HYKK: variants seen among roughly 807,000 people sequenced by gnomAD.
HYKK encodes the protein hydroxylysine kinase.
In HYKK, 19 loss-of-function variants were observed where a neutral mutation model predicts 29.7. The observed-to-expected ratio is 0.64, with a 90% CI of 0.45 to 0.94. The LOEUF is 0.94. Ranked by LOEUF, HYKK falls within the 40% of genes least tolerant of loss-of-function variation. HYKK has a pLI of 0.00. For missense variants in HYKK, 390 were observed against 443.4 expected (o/e 0.88, Z 1.08); for synonymous variants, 152 against 158.1 (o/e 0.96, Z 0.29).
intron 4 of HYKK, chr15:78,528,393 G>T (rs912523287): frequency 1.0e-6 from 1 of 984,338 alleles, no homozygotes; most frequent in African/African-American, 1.7e-5. Context: ...TGCCAAAAAG[G>T]TTGGGAACTA....
intron 3 of HYKK, 74 bp downstream of exon 3, chr15:78,515,181 G>A (rs1002080059): frequency 8.5e-7 from 1 of 1,170,224 alleles, no homozygotes; most frequent in Non-Finnish European, 1.2e-6. Flanking sequence ...ATAAAGTATG[G>A]ATCAGATTCT....
chr15:78,527,638 G>A, intron 4 of HYKK, 75 bp downstream of exon 4: 2 of 1,554,076 alleles, frequency 1.3e-6, no homozygotes, highest in Admixed American at 1.9e-5. Context: ...AAAGTATGGA[G>A]GTACAATTTA....
At chr15:78,509,928 T>G (rs890124908) in intron 1 of HYKK, among the ~76,000 whole-genome samples, 12 of 152,112 alleles carry the variant, frequency 7.9e-5, no homozygotes, top group African/African-American at 2.7e-4. Context: ...CAGTAACAGG[T>G]GATGGAAACC....
At chr15:78,537,319 C>G (rs1390809916), downstream of HYKK, 2 of 661,834 alleles carry the variant, frequency 3.0e-6, no homozygotes. Context: ...CCGTGCCAGG[C>G]CCCTAGAAGA....
Position 78,513,416 on chromosome 15 carries a change from G to T in HYKK, c.328G>T (p.Val110Leu). Residue 110 changes from valine to leucine, a missense_variant, in exon 2 of 5, where the codon GTG becomes TTG. Coordinates refer to ENST00000388988, the MANE Select transcript of HYKK (RefSeq NM_001013619.4). ...HTKGDNTASL[V>L]SVDSGSEIKS... ...TAAAGGAGACAACACAGCTTCTCTCGTGTCTGTAGGTAAGAGATGACCAAT... is the reference window on the plus strand; with the variant it reads ...TAAAGGAGACAACACAGCTTCTCTCTTGTCTGTAGGTAAGAGATGACCAAT... The T allele has an allele frequency of 6.2e-7, 1 of 1,610,818 alleles. No individual in the cohort carries two copies.
chr15:78,519,910 G>T (rs984171082), intron 3 of HYKK, among the ~76,000 whole-genome samples: 1 of 152,034 alleles, frequency 6.6e-6, no homozygotes, highest in East Asian at 1.9e-4. Flanking sequence ...CTTTCCTTCC[G>T]CCCTATCTGT....
At chr15:78,513,550 A>G (rs1221827951) in intron 2 of HYKK, 125 bp downstream of exon 2, 19 of 702,752 alleles carry the variant, frequency 2.7e-5, no homozygotes, top group Non-Finnish European at 4.5e-5. Context: ...ATTATTTTTT[A>G]GCACCTCAAT....
At chr15:78,525,645 C>G (rs532174249) in intron 3 of HYKK, among the ~76,000 whole-genome samples, 1 of 151,986 alleles carries the variant, frequency 6.6e-6, no homozygotes, top group African/African-American at 2.4e-5. Flanking sequence ...CTACAGGCAC[C>G]CACCACCATG....
At chr15:78,537,022 G>T (rs909962743), downstream of HYKK, among the ~76,000 whole-genome samples, 1 of 152,126 alleles carries the variant, frequency 6.6e-6, no homozygotes, top group African/African-American at 2.4e-5. Flanking sequence ...TTAACCAGCG[G>T]CCCCTCAGGT....
At chr15:78,521,029 A>G (rs2052190780) in intron 3 of HYKK, among the ~76,000 whole-genome samples, 1 of 152,196 alleles carries the variant, frequency 6.6e-6, no homozygotes, top group Non-Finnish European at 1.5e-5. Context: ...TTTTTCTATA[A>G]GTACTAAGAA....
intron 4 of HYKK, chr15:78,528,000 C>T (rs1428579133): frequency 6.4e-6 from 1 of 156,300 alleles, no homozygotes; most frequent in South Asian, 1.9e-4. Flanking sequence ...ATGAATATAC[C>T]ATAATTTATT....
intron 3 of HYKK, among the ~76,000 whole-genome samples, chr15:78,520,527 G>A (rs373530216): frequency 9.9e-5 from 15 of 152,038 alleles, no homozygotes; most frequent in Admixed American, 4.6e-4. Context: ...TGGACACAGC[G>A]CATGTTTCAG....
chr15:78,508,346 A>G (rs1412015466), intron 1 of HYKK, among the ~76,000 whole-genome samples: 2 of 152,174 alleles, frequency 1.3e-5, no homozygotes, highest in Non-Finnish European at 2.9e-5. Context: ...GGACGCAGCA[A>G]AAGGGAATGT....
rs766004199 is a variant in HYKK at position 78,514,908 on chromosome 15, C to CTCTCTCTATATATATATATATATA, written c.338-59_338-58insCTCTCTATATATATATATATATAT. ...TAAATACCTCTCTCTCTCTCTCTCTCTATATATATATATATATATAAATAA... is the reference window on the plus strand; with the variant it reads ...TAAATACCTCTCTCTCTCTCTCTCTCTCTCTCTATATATATATATATATATATATATATATATATATATAAATAA... On this transcript the variant is annotated intron_variant, in intron 2 of 4. Transcript: ENST00000388988. 4 of 385,454 alleles carry CTCTCTCTATATATATATATATATA rather than the reference C, an allele frequency of 1.0e-5. No homozygotes were observed. The East Asian group carries it at 3.2e-4, about 31-fold the overall frequency. 23.9% of individuals were successfully genotyped at this position (385,454 alleles called of 1,614,324 possible). A position where few individuals can be genotyped will look rare whatever the true frequency, so the allele number is the denominator to read the frequency against.
chr15:78,520,746 C>T (rs1384518850), intron 3 of HYKK, among the ~76,000 whole-genome samples: 4 of 152,198 alleles, frequency 2.6e-5, no homozygotes, highest in African/African-American at 9.6e-5. Flanking sequence ...TCTCAATGAG[C>T]TGTTGGGTAC....
At position 78,534,133 on chromosome 15, in the gene HYKK, CTT is replaced by C. The variant is rs2052339155; in HGVS notation, c.*467_*468del. On this transcript the variant is annotated 3_prime_UTR_variant, in exon 5 of 5. Transcript: ENST00000388988. ...TCTCTAGAATCCCAGTGCATTGTGT[CTT>C]TTTCATGGCCCATCACTTTGTATAA... 6.5e-6 allele frequency: 1 copy of C among 154,688 alleles called. No individual in the cohort carries two copies. The highest frequency in any genetic ancestry group is 1.4e-5 in the Non-Finnish European group (1 of 70,224). The allele number at this position is 154,688 out of a possible 1,614,324, so 9.6% of individuals were successfully genotyped here.
chr15:78,514,102 T>G (rs1180935214), intron 2 of HYKK, among the ~76,000 whole-genome samples: 3 of 146,048 alleles, frequency 2.1e-5, no homozygotes, highest in Non-Finnish European at 4.5e-5. Context: ...TGTTTTTTTG[T>G]TTTTTTTTTT....
Position 78,515,015 on chromosome 15 carries a change from C to G in HYKK, c.385C>G (p.Leu129Val), listed in dbSNP as rs1226904615. ...KSYLVRLLTY[L>V]PGRPIAELPV... is the part of the protein sequence containing the mutation. Reference sequence around the variant, plus strand: ...CTACTTGGTGAGGCTGCTGACTTACCTCCCAGGAAGACCCATCGCTGAGCT... The same window carrying G: ...CTACTTGGTGAGGCTGCTGACTTACGTCCCAGGAAGACCCATCGCTGAGCT... Residue 129 changes from leucine (L) to valine (V), a missense_variant, in exon 3 of 5, where the codon CTC becomes GTC. Coordinates refer to ENST00000388988, the MANE Select transcript of HYKK (RefSeq NM_001013619.4). The G allele has an allele frequency of 1.3e-6, 2 of 1,598,034 alleles. No homozygotes were observed. The highest frequency in any genetic ancestry group is 2.3e-5 in the East Asian group (1 of 43,504).
At chr15:78,518,472 G>C in intron 3 of HYKK, 2 of 396,144 alleles carry the variant, frequency 5.0e-6, no homozygotes, top group South Asian at 3.6e-5. Flanking sequence ...ACCACACCTG[G>C]GCCCCTTGTT....
Sources: gnomAD v4.1 joint callset for allele counts (sites outside exome capture counted in the v4.1 genomes callset) on GRCh38, gnomAD v4.1.1 for gene constraint, MANE v1.5 for transcripts, NCBI Gene and HGNC (gene_info 2026-07-23, HGNC 2026-07-21) for gene names.